Variants in NIBAN1 observed in about 807,000 individuals in gnomAD.
NIBAN1 encodes protein Niban 1.
A neutral mutation model predicts 75.1 loss-of-function variants in NIBAN1; 81 were observed. That is an observed-to-expected ratio of 1.08 (90% CI 0.90 to 1.30). The LOEUF (loss-of-function observed/expected upper bound fraction) is 1.30. Ranked by LOEUF, NIBAN1 falls within the 50% of genes most tolerant of loss-of-function variation. The pLI, the probability that NIBAN1 is intolerant of heterozygous loss-of-function variation, is 0.00. For synonymous variants in NIBAN1, 436 were observed against 424.8 expected (o/e 1.03, Z -0.32); for missense variants, 1,133 against 1,128.1 (o/e 1.00, Z -0.06).
chr1:184,954,744 C>T (rs1175420311), intron 1 of NIBAN1, among the ~76,000 whole-genome samples: 1 of 152,126 alleles, frequency 6.6e-6, no homozygotes, highest in Non-Finnish European at 1.5e-5. Context: ...TGGTTGGATA[C>T]CATGGATTAT....
chr1:184,894,274 C>A, intron 2 of NIBAN1, 68 bp from the exon 3 acceptor site: 1 of 1,466,746 alleles, frequency 6.8e-7, no homozygotes, highest in Non-Finnish European at 9.0e-7. Flanking sequence ...ACAAAGTTAT[C>A]CATGCTATTT....
At chr1:184,880,995 T>C (rs979880968) in intron 5 of NIBAN1, among the ~76,000 whole-genome samples, 2 of 152,130 alleles carry the variant, frequency 1.3e-5, no homozygotes, top group Non-Finnish European at 2.9e-5. Flanking sequence ...TGGAGTGGGA[T>C]GTTTTACTAA....
rs560906771 is a variant in NIBAN1 at position 184,823,419 on chromosome 1, A to G, written c.823-90T>C. 4.0e-6 allele frequency: 6 copies of G among 1,497,250 alleles called. No individual in the cohort carries two copies. The East Asian group carries it at 6.8e-5, about 17-fold the overall frequency. The allele number at this position is 1,497,250 out of a possible 1,614,324, so 92.7% of individuals were successfully genotyped here. On this transcript the variant is annotated intron_variant, in intron 7 of 13. Transcript: ENST00000367511. ...GAGGGAGGAGCCTTCATCACAGGCC[A>G]TCATAACAAACAGAACTGCACACAC... is the stretch of plus-strand genomic sequence containing the variant.
chr1:184,933,580 G>C (rs1387131772), intron 1 of NIBAN1, among the ~76,000 whole-genome samples: 1 of 152,084 alleles, frequency 6.6e-6, no homozygotes. Context: ...TAGACCCCTG[G>C]GCATGTAAGA....
At chr1:184,957,497 C>T (rs1343065233) in intron 1 of NIBAN1, among the ~76,000 whole-genome samples, 2 of 152,140 alleles carry the variant, frequency 1.3e-5, no homozygotes, top group East Asian at 1.9e-4. Context: ...CACTCTGAAA[C>T]ATTAATTAGT....
At chr1:184,807,295 T>A (rs867185324) in intron 10 of NIBAN1, among the ~76,000 whole-genome samples, 1 of 148,280 alleles carries the variant, frequency 6.7e-6, no homozygotes, top group Non-Finnish European at 1.5e-5. Context: ...TATTCATTCC[T>A]GTTACTGGGG....
At chr1:184,943,828 C>T (rs1406360591) in intron 1 of NIBAN1, among the ~76,000 whole-genome samples, 1 of 152,082 alleles carries the variant, frequency 6.6e-6, no homozygotes, top group East Asian at 1.9e-4. Context: ...TCTAAGTTTT[C>T]TAACACACTG....
At chr1:184,868,755 G>T (rs1557893842) in intron 5 of NIBAN1, among the ~76,000 whole-genome samples, 1 of 152,074 alleles carries the variant, frequency 6.6e-6, no homozygotes, top group Non-Finnish European at 1.5e-5. Context: ...ATATCAGCTA[G>T]TCAAACACAG....
chr1:184,905,137 G>A (rs1333191640), intron 1 of NIBAN1, among the ~76,000 whole-genome samples: 1 of 152,116 alleles, frequency 6.6e-6, no homozygotes, highest in Non-Finnish European at 1.5e-5. Flanking sequence ...GGCAGAGGCT[G>A]GTTCTGAGAA....
chr1:184,801,157 G>C (rs941131975), intron 12 of NIBAN1, among the ~76,000 whole-genome samples: 1 of 152,164 alleles, frequency 6.6e-6, no homozygotes, highest in Non-Finnish European at 1.5e-5. Context: ...GGGATTTGCG[G>C]TCTCTTGCCT....
intron 5 of NIBAN1, among the ~76,000 whole-genome samples, chr1:184,872,620 T>C (rs1342849520): frequency 6.6e-6 from 1 of 151,808 alleles, no homozygotes; most frequent in Admixed American, 6.6e-5. Context: ...GACAGGAGAA[T>C]CGCTTGAACC....
At chr1:184,964,785 A>G (rs1658736426) in intron 1 of NIBAN1, among the ~76,000 whole-genome samples, 1 of 152,220 alleles carries the variant, frequency 6.6e-6, no homozygotes, top group Non-Finnish European at 1.5e-5. Flanking sequence ...TCATGGTGGC[A>G]TTTCCAAGAG....
intron 1 of NIBAN1, among the ~76,000 whole-genome samples, chr1:184,925,678 TAAGCAAAGAGAAAACAAAAAAA>T (rs1233031258): frequency 5.3e-4 from 80 of 152,208 alleles, no homozygotes; most frequent in African/African-American, 1.8e-3. Flanking sequence ...CATAAACAAA[TAAGCAAAGAGAAAACAAAAAAA>T]AACTCTATAC....
chr1:184,918,782 C>G (rs1353927493), intron 1 of NIBAN1, among the ~76,000 whole-genome samples: 1 of 152,194 alleles, frequency 6.6e-6, no homozygotes, highest in Non-Finnish European at 1.5e-5. Flanking sequence ...CATGCCCTCT[C>G]TCTCCAGTAT....
At chr1:184,906,493 G>A (rs1456828470) in intron 1 of NIBAN1, among the ~76,000 whole-genome samples, 2 of 152,076 alleles carry the variant, frequency 1.3e-5, no homozygotes, top group African/African-American at 4.8e-5. Context: ...AGCCAGGCGT[G>A]GTGGCGCATG....
At chr1:184,818,851 C>A in intron 8 of NIBAN1, 26 bp from the exon 9 acceptor site, 1 of 1,556,234 alleles carries the variant, frequency 6.4e-7, no homozygotes, top group Non-Finnish European at 8.7e-7. Context: ...GCCAAAAAAC[C>A]GTGACATATG....
At chr1:184,901,307 G>T (rs1208353941) in intron 1 of NIBAN1, among the ~76,000 whole-genome samples, 2 of 152,140 alleles carry the variant, frequency 1.3e-5, no homozygotes, top group Admixed American at 1.3e-4. Flanking sequence ...GCAAATAAAA[G>T]CTCCTATAAT....
At chr1:184,866,770 T>A (rs576331554) in intron 5 of NIBAN1, among the ~76,000 whole-genome samples, 36 of 152,204 alleles carry the variant, frequency 2.4e-4, no homozygotes, top group Non-Finnish European at 3.7e-4. Context: ...CACTCATCTA[T>A]GCTGGTAATT....
chr1:184,929,193 TA>T (rs1657761181), intron 1 of NIBAN1, among the ~76,000 whole-genome samples: 1 of 152,234 alleles, frequency 6.6e-6, no homozygotes, highest in African/African-American at 2.4e-5. Flanking sequence ...AGTCCTTTTC[TA>T]AATCCCAAAA....
Sources: allele counts gnomAD v4.1 joint callset (sites outside exome capture counted in the v4.1 genomes callset), GRCh38; gene constraint gnomAD v4.1.1; transcripts MANE v1.5; gene names NCBI Gene and HGNC (gene_info 2026-07-23, HGNC 2026-07-21).